RAB2A: variants seen among roughly 807,000 people sequenced by gnomAD.
RAB2A encodes ras-related protein Rab-2A.
In RAB2A, 7 loss-of-function variants were observed where a neutral mutation model predicts 32.5. That is an observed-to-expected ratio of 0.22 (90% CI 0.12 to 0.40). The LOEUF (loss-of-function observed/expected upper bound fraction) is 0.40. Among genes scored for constraint, RAB2A ranks in the 10% least tolerant of loss-of-function variants. The pLI, the probability that RAB2A is intolerant of heterozygous loss-of-function variation, is 1.00. For synonymous variants in RAB2A, 79 were observed against 85.2 expected (o/e 0.93, Z 0.40); for missense variants, 108 against 260.7 (o/e 0.41, Z 4.03).
intron 1 of RAB2A, among the ~76,000 whole-genome samples, chr8:60,550,539 T>TG (rs780799144): frequency 1.3e-4 from 20 of 152,104 alleles, no homozygotes; most frequent in Middle Eastern, 3.4e-3. Context: ...TGCACCACCA[T>TG]GCCTGGCTAA....
rs1474247130 is a variant in RAB2A, at chr8:60,551,166, A to G, written c.47-7686A>G. 4.6e-5 allele frequency among the ~76,000 whole-genome samples: 7 copies of G among 151,848 alleles called. No homozygotes were observed. In the East Asian group the frequency reaches 7.7e-4, roughly 17 times the overall value. On this transcript the variant is annotated intron_variant, in intron 1 of 7. Coordinates refer to ENST00000262646, the MANE Select transcript of RAB2A (RefSeq NM_002865.3). The stretch of plus-strand genomic sequence containing the variant: ...TTGCCCTGCTCTGCTTTTTCTTTTT[A>G]CCATAGCATTTAACACCCTGCAACT...
At chr8:60,525,938 T>C (rs1807371172) in intron 1 of RAB2A, among the ~76,000 whole-genome samples, 2 of 147,330 alleles carry the variant, frequency 1.4e-5, no homozygotes, top group Non-Finnish European at 3.0e-5. Flanking sequence ...GATATATATA[T>C]ATGTCTATAT....
At chr8:60,537,788 C>T (rs533432068) in intron 1 of RAB2A, among the ~76,000 whole-genome samples, 37 of 152,284 alleles carry the variant, frequency 2.4e-4, no homozygotes, top group African/African-American at 7.9e-4. Flanking sequence ...TCAAGCAATC[C>T]TCCTGCCTCA....
At position 60,620,745 on chromosome 8, in the gene RAB2A, G is replaced by A; in HGVS notation, c.615G>A (p.Gln205=). The change falls in exon 8 of 8, where the codon CAG becomes CAA. Residue 205 remains glutamine (Q), a synonymous_variant. Transcript: ENST00000262646. The part of the protein sequence containing the change: ...NATHAGNQGG[Q]QAGGGCC ...CACATGCAGGCAATCAGGGAGGACA[G>A]CAGGCTGGGGGCGGCTGCTGTTGAG... 1 of 1,613,626 alleles carries A rather than the reference G, an allele frequency of 6.2e-7. No individual in the cohort carries two copies. Among genetic ancestry groups the A allele is most frequent in the East Asian group, 2.2e-5 (1 of 44,856 alleles).
At position 60,517,162 on chromosome 8, in the gene RAB2A, C is replaced by A. The variant is rs1321062931; in HGVS notation, c.-46C>A. ...GGGTTGGGGCGCGGAGGAGGAGCAGCAGCGGGAGGAGGAGCCGTGTGCCCT... is the reference window on the plus strand; with the variant it reads ...GGGTTGGGGCGCGGAGGAGGAGCAGAAGCGGGAGGAGGAGCCGTGTGCCCT... On this transcript the variant is annotated 5_prime_UTR_variant, in exon 1 of 8. Coordinates refer to ENST00000262646, the MANE Select transcript of RAB2A (RefSeq NM_002865.3). 6.8e-7 allele frequency: 1 copy of A among 1,469,708 alleles called. No homozygotes were observed. The highest frequency in any genetic ancestry group is 9.0e-7 in the Non-Finnish European group (1 of 1,107,046). 91.0% of individuals were successfully genotyped at this position (1,469,708 alleles called of 1,614,324 possible). A position where few individuals can be genotyped will look rare whatever the true frequency, so the allele number is the denominator to read the frequency against.
chr8:60,616,936 A>C (rs977420122), intron 6 of RAB2A, among the ~76,000 whole-genome samples: 9 of 152,218 alleles, frequency 5.9e-5, no homozygotes, highest in Admixed American at 2.0e-4. Flanking sequence ...TCAGCAGTCA[A>C]ATGTTTCCAG....
intron 6 of RAB2A, among the ~76,000 whole-genome samples, chr8:60,612,203 C>T (rs1024019954): frequency 4.6e-5 from 7 of 152,162 alleles, no homozygotes; most frequent in African/African-American, 1.7e-4. Flanking sequence ...TGTTCAACTC[C>T]CACTTATGAG....
chr8:60,552,733 G>A (rs1472289191), intron 1 of RAB2A: 1 of 152,192 alleles, frequency 6.6e-6, no homozygotes, highest in Non-Finnish European at 1.5e-5. Context: ...AAGTTACACA[G>A]TTGGTTAAAC....
At chr8:60,520,796 A>G (rs1007928161) in intron 1 of RAB2A, among the ~76,000 whole-genome samples, 1 of 151,748 alleles carries the variant, frequency 6.6e-6, no homozygotes, top group Non-Finnish European at 1.5e-5. Flanking sequence ...CACCACTTCC[A>G]TTTTATTTTA....
chr8:60,610,966 C>T (rs1193790248), intron 6 of RAB2A, among the ~76,000 whole-genome samples: 1 of 152,196 alleles, frequency 6.6e-6, no homozygotes, highest in African/African-American at 2.4e-5. Context: ...TGATTTTCTT[C>T]CTTTTTAATT....
At chr8:60,528,713 G>C (rs908090746) in intron 1 of RAB2A, among the ~76,000 whole-genome samples, 6 of 151,856 alleles carry the variant, frequency 4.0e-5, no homozygotes, top group African/African-American at 1.5e-4. Context: ...GCTTAATTTA[G>C]AGTGATTGGC....
intron 1 of RAB2A, among the ~76,000 whole-genome samples, chr8:60,519,448 G>A (rs4403445): frequency 0.47 from 71,921 of 152,078 alleles, 18,120 homozygotes; most frequent in African/African-American, 0.65. Context: ...CCCTGTGGAA[G>A]ATCCATCAGT....
At chr8:60,519,961 C>T (rs896386813) in intron 1 of RAB2A, among the ~76,000 whole-genome samples, 3 of 152,136 alleles carry the variant, frequency 2.0e-5, no homozygotes, top group African/African-American at 7.2e-5. Flanking sequence ...GTGTGGCCCT[C>T]CCCTAGAAAA....
chr8:60,577,992 A>G (rs900954282), intron 3 of RAB2A, among the ~76,000 whole-genome samples: 8 of 152,098 alleles, frequency 5.3e-5, no homozygotes, highest in Non-Finnish European at 5.9e-5. Flanking sequence ...CTGAGATTTA[A>G]TGCTTGGGCA....
At chr8:60,518,511 C>CGT (rs1453326053) in intron 1 of RAB2A, among the ~76,000 whole-genome samples, 12,139 of 144,766 alleles carry the variant, frequency 0.084, 1,516 homozygotes, top group African/African-American at 0.28. Flanking sequence ...CAAAAGTTAG[C>CGT]CGGGCGTCGT....
At position 60,604,524 on chromosome 8, in the gene RAB2A, G is replaced by A. The variant is rs150974673; in HGVS notation, c.474+12555G>A. 8.5e-5 allele frequency among the ~76,000 whole-genome samples: 13 copies of A among 152,278 alleles called. No homozygotes were observed. In the East Asian group the frequency reaches 2.5e-3, roughly 29 times the overall value. On this transcript the variant is annotated intron_variant, in intron 6 of 7. Coordinates refer to ENST00000262646, the MANE Select transcript of RAB2A (RefSeq NM_002865.3). ...AGACTGCTTGAATTGTGACCAAAAT[G>A]CTGATAATGATGTGGACAATGAAAC...
At chr8:60,560,424 A>G (rs1808004684) in intron 2 of RAB2A, among the ~76,000 whole-genome samples, 2 of 152,086 alleles carry the variant, frequency 1.3e-5, no homozygotes, top group African/African-American at 4.8e-5. Flanking sequence ...TCTCTATAGG[A>G]TTTGCTCTTT....
chr8:60,517,011 C>G lies in RAB2A; in HGVS notation c.-197C>G. 2.0e-6 allele frequency: 1 copy of G among 492,258 alleles called. No homozygotes were observed. The highest frequency in any genetic ancestry group is 3.4e-5 in the South Asian group (1 of 29,546). 30.5% of individuals were successfully genotyped at this position (492,258 alleles called of 1,614,324 possible). On this transcript the variant is annotated 5_prime_UTR_variant, in exon 1 of 8. Coordinates refer to ENST00000262646, the MANE Select transcript of RAB2A (RefSeq NM_002865.3). ...TATTGTTCGGCTGGGCTCGGTCGGG[C>G]GCTGTCTCCCTCGGCTCTGCGGGTG...
chr8:60,517,150 G>A lies in RAB2A; in HGVS notation c.-58G>A. On this transcript the variant is annotated 5_prime_UTR_variant, in exon 1 of 8. Coordinates refer to ENST00000262646, the MANE Select transcript of RAB2A (RefSeq NM_002865.3). ...TGAGCGGCACCGGGGTTGGGGCGCG[G>A]AGGAGGAGCAGCAGCGGGAGGAGGA... The A allele has an allele frequency of 6.9e-7, 1 of 1,459,342 alleles. No individual in the cohort carries two copies. Among genetic ancestry groups the A allele is most frequent in the Non-Finnish European group, 9.1e-7 (1 of 1,100,462 alleles). 90.4% of individuals were successfully genotyped at this position (1,459,342 alleles called of 1,614,324 possible).
Sources: gnomAD v4.1 joint callset for allele counts (sites outside exome capture counted in the v4.1 genomes callset) on GRCh38, gnomAD v4.1.1 for gene constraint, MANE v1.5 for transcripts, NCBI Gene and HGNC (gene_info 2026-07-23, HGNC 2026-07-21) for gene names.